SEZ6: variants seen among roughly 807,000 people sequenced by gnomAD.
SEZ6 encodes the protein seizure related 6 homolog, also known as seizure protein 6 homolog.
In SEZ6, 53 loss-of-function variants were observed where a neutral mutation model predicts 101.0. The ratio of observed to expected loss-of-function variants is 0.52; its 90% CI spans 0.42 to 0.66. The LOEUF (loss-of-function observed/expected upper bound fraction) is 0.66, where lower values mean the gene tolerates loss of function less well. SEZ6 is among the 30% of genes least tolerant of loss of function. SEZ6 has a pLI of 0.00. For missense variants in SEZ6, 1,102 were observed against 1,289.4 expected, an observed-to-expected ratio of 0.85 and a Z score of 2.23; for synonymous variants, 488 against 512.2, an observed-to-expected ratio of 0.95 and a Z score of 0.64.
rs754456303 is a variant in SEZ6, at chr17:28,982,023, G to T, written c.72C>A (p.Ala24=). ...GGGCTTGTCCTTTCCCCACGGTTGG[G>T]GCCTCTAAAGAGAGTCCTGAAATAA... ...ALLAHGLSLE[A]PTVGKGQAPG... Residue 24 remains alanine (A), a synonymous_variant, in exon 2 of 17, where the codon GCC becomes GCA. Transcript: ENST00000317338. 40 of 1,599,162 alleles carry T rather than the reference G, an allele frequency of 2.5e-5. No homozygotes were observed. Among genetic ancestry groups the T allele is most frequent in the Non-Finnish European group, 3.2e-5 (37 of 1,172,784 alleles).
chr17:28,990,633 GC>G (rs2152691427), intron 1 of SEZ6, among the ~76,000 whole-genome samples: 1 of 152,072 alleles, frequency 6.6e-6, no homozygotes, highest in South Asian at 2.1e-4. Context: ...GGGTCCTGCG[GC>G]CCCCACCCAG....
intron 3 of SEZ6, among the ~76,000 whole-genome samples, chr17:28,978,750 G>A (rs1337857823): frequency 6.6e-6 from 1 of 152,148 alleles, no homozygotes; most frequent in East Asian, 1.9e-4. Flanking sequence ...TGACTGCAGT[G>A]GAGGTGGAGA....
intron 5 of SEZ6, among the ~76,000 whole-genome samples, chr17:28,963,583 C>T (rs1265706265): frequency 6.6e-6 from 1 of 152,192 alleles, no homozygotes; most frequent in Non-Finnish European, 1.5e-5. Context: ...AGTGCCTCCT[C>T]CCCTAGGAAG....
intron 4 of SEZ6, among the ~76,000 whole-genome samples, chr17:28,967,427 C>G (rs986911116): frequency 6.6e-6 from 1 of 152,200 alleles, no homozygotes; most frequent in Non-Finnish European, 1.5e-5. Flanking sequence ...ACCACCACCC[C>G]ACCTGCTTCC....
At chr17:28,961,788 TG>T (rs1379366054) in intron 5 of SEZ6, among the ~76,000 whole-genome samples, 1 of 152,210 alleles carries the variant, frequency 6.6e-6, no homozygotes. Flanking sequence ...TTCCAGGCAG[TG>T]CTTTCCTCTC....
intron 1 of SEZ6, among the ~76,000 whole-genome samples, chr17:28,991,790 G>GA (rs1280002327): frequency 1.3e-5 from 2 of 152,188 alleles, no homozygotes; most frequent in Admixed American, 1.3e-4. Context: ...ATTCCTCAGG[G>GA]AGGATTCTTG....
intron 2 of SEZ6, 67 bp from the exon 3 acceptor site, chr17:28,979,880 CGTGTGT>C (rs3052131): frequency 0.013 from 10,864 of 855,398 alleles, 25 homozygotes; most frequent in South Asian, 0.023. Flanking sequence ...AAGGCTGAAC[CGTGTGT>C]GTGTGTGTGT....
chr17:28,979,055 G>C (rs2041262397), intron 3 of SEZ6, among the ~76,000 whole-genome samples: 1 of 152,094 alleles, frequency 6.6e-6, no homozygotes, highest in Non-Finnish European at 1.5e-5. Flanking sequence ...GTGGCTTTGG[G>C]GGAACAAAAG....
At chr17:28,971,419 C>A (rs1473877216) in intron 3 of SEZ6, among the ~76,000 whole-genome samples, 4 of 151,894 alleles carry the variant, frequency 2.6e-5, no homozygotes, top group African/African-American at 9.7e-5. Context: ...ATGGAGAAAC[C>A]CCGTCTCTAC....
intron 1 of SEZ6, among the ~76,000 whole-genome samples, chr17:28,992,610 T>A (rs929098266): frequency 3.3e-5 from 5 of 152,112 alleles, no homozygotes. Flanking sequence ...CTCTGCCCTC[T>A]CCTTGGGGCC....
At chr17:28,965,017 T>C (rs1328230696) in intron 4 of SEZ6, among the ~76,000 whole-genome samples, 1 of 147,572 alleles carries the variant, frequency 6.8e-6, no homozygotes, top group African/African-American at 2.5e-5. Context: ...GATCACTCCA[T>C]TGCATTCCTG....
intron 4 of SEZ6, among the ~76,000 whole-genome samples, chr17:28,968,483 C>T (rs186680036): frequency 2.5e-4 from 38 of 152,288 alleles, no homozygotes; most frequent in African/African-American, 8.9e-4. Context: ...GTTATCATGG[C>T]GTGAAATTAT....
intron 3 of SEZ6, among the ~76,000 whole-genome samples, chr17:28,978,787 C>T (rs1341095732): frequency 6.6e-6 from 1 of 150,830 alleles, no homozygotes; most frequent in African/African-American, 2.4e-5. Flanking sequence ...CAAGTGTGGG[C>T]GGGGTGACCA....
chr17:28,955,942 C>T lies in SEZ6; in HGVS notation c.*20G>A, dbSNP rs764021977. 1.2e-4 allele frequency: 192 copies of T among 1,610,662 alleles called. No homozygotes were observed. Among genetic ancestry groups the T allele is most frequent in the Non-Finnish European group, 1.5e-4 (180 of 1,178,536 alleles). Reference sequence around the variant, plus strand: ...AGTCTGAGTTGACTTCCCTAGACTGCCCCCACCTAGATGGAGACTTCATAT... The same window carrying T: ...AGTCTGAGTTGACTTCCCTAGACTGTCCCCACCTAGATGGAGACTTCATAT... On this transcript the variant is annotated 3_prime_UTR_variant, in exon 17 of 17. Transcript: ENST00000317338.
intron 1 of SEZ6, 73 bp from the exon 2 acceptor site, chr17:28,982,112 G>C (rs78209823): frequency 1.1e-4 from 155 of 1,474,524 alleles, no homozygotes; most frequent in Middle Eastern, 1.8e-4. Flanking sequence ...CTCGAGTAGT[G>C]GGGGGGCCCG....
At chr17:29,000,322 C>T (rs1437947328) in intron 1 of SEZ6, among the ~76,000 whole-genome samples, 1 of 152,220 alleles carries the variant, frequency 6.6e-6, no homozygotes, top group Non-Finnish European at 1.5e-5. Context: ...ACTGGCTGTA[C>T]AGCCTCAGGG....
intron 1 of SEZ6, among the ~76,000 whole-genome samples, chr17:28,986,105 C>T (rs1157791446): frequency 3.3e-5 from 5 of 152,266 alleles, no homozygotes; most frequent in Non-Finnish European, 7.3e-5. Context: ...GGGCCCTCCC[C>T]CCGCATTAGC....
intron 1 of SEZ6, among the ~76,000 whole-genome samples, chr17:29,002,588 C>T (rs1224591105): frequency 6.6e-6 from 1 of 152,176 alleles, no homozygotes; most frequent in African/African-American, 2.4e-5. Context: ...GTGCTCCTGC[C>T]TGCCATGTCA....
chr17:28,986,736 A>G (rs1598204869), intron 1 of SEZ6, among the ~76,000 whole-genome samples: 1 of 152,204 alleles, frequency 6.6e-6, no homozygotes, highest in African/African-American at 2.4e-5. Context: ...TTCCAATCCC[A>G]AATCGATGTG....
Sources: allele counts gnomAD v4.1 joint callset (sites outside exome capture counted in the v4.1 genomes callset), GRCh38; gene constraint gnomAD v4.1.1; transcripts MANE v1.5; gene names NCBI Gene and HGNC (gene_info 2026-07-23, HGNC 2026-07-21).